Variants in SGF29 observed in about 807,000 individuals in gnomAD.
The protein encoded by SGF29 is SAGA complex associated factor 29.
SGF29 carries 15 observed loss-of-function variants against 38.1 expected under a neutral mutation model. The ratio of observed to expected loss-of-function variants is 0.39; its 90% CI spans 0.26 to 0.61. The LOEUF is 0.61. Ranked by LOEUF, SGF29 falls within the 20% of genes least tolerant of loss-of-function variation. The probability of loss-of-function intolerance (pLI) is 0.49; values close to 1 mark genes in which losing one functional copy is unlikely to be tolerated. For synonymous variants in SGF29, 151 were observed against 160.8 expected (o/e 0.94, Z 0.46); for missense variants, 184 against 394.6 (o/e 0.47, Z 4.52).
In SGF29 at chr16:28,581,048, C is replaced by T. The variant is rs752423817; in HGVS notation, c.-15-7C>T. 2.4e-5 allele frequency: 39 copies of T among 1,609,936 alleles called. No individual in the cohort carries two copies. Among genetic ancestry groups the T allele is most frequent in the Non-Finnish European group, 1.2e-5 (14 of 1,176,944 alleles). Reference sequence around the variant, plus strand: ...AGAGTTCTCTTCTGTCCTCGCTCCCCCACCAGGTGCCCCTGTAGACAATGG... The same window carrying T: ...AGAGTTCTCTTCTGTCCTCGCTCCCTCACCAGGTGCCCCTGTAGACAATGG... On this transcript the variant is annotated splice_region_variant and splice_polypyrimidine_tract_variant and intron_variant, in intron 1 of 9. Coordinates refer to ENST00000317058, the MANE Select transcript of SGF29 (RefSeq NM_138414.3).
intron 1 of SGF29, among the ~76,000 whole-genome samples, chr16:28,572,324 C>T (rs761671844): frequency 6.7e-6 from 1 of 150,056 alleles, no homozygotes; most frequent in Non-Finnish European, 1.5e-5. Flanking sequence ...GGCTGGAGTG[C>T]AGTGGCACGA....
intron 3 of SGF29, 56 bp downstream of exon 3, chr16:28,585,044 G>A: frequency 7.4e-7 from 1 of 1,350,582 alleles, no homozygotes; most frequent in Non-Finnish European, 1.1e-6. Context: ...GGTGAGTATG[G>A]CCAAGACTGT....
chr16:28,589,067 C>A, intron 4 of SGF29, 33 bp from the exon 5 acceptor site: 1 of 1,612,982 alleles, frequency 6.2e-7, no homozygotes, highest in African/African-American at 1.3e-5. Flanking sequence ...GTACGTTAAC[C>A]AAACCCTCTT....
chr16:28,564,807 A>C lies in SGF29; in HGVS notation c.-16+10710A>C, dbSNP rs551440147. ...TATATACACACACACACACACACACAAACACACACACACACATATATATGA... is the reference window on the plus strand; with the variant it reads ...TATATACACACACACACACACACACCAACACACACACACACATATATATGA... On this transcript the variant is annotated intron_variant, in intron 1 of 9. Coordinates refer to ENST00000317058, the MANE Select transcript of SGF29 (RefSeq NM_138414.3). Among the ~76,000 whole-genome samples, 7 of 141,264 alleles carry C rather than the reference A, an allele frequency of 5.0e-5. No homozygotes were observed. The East Asian group carries it at 1.4e-3, about 28-fold the overall frequency. The allele number at this position is 141,264 out of a possible 152,430, so 92.7% of individuals were successfully genotyped here.
intron 1 of SGF29, among the ~76,000 whole-genome samples, chr16:28,555,898 G>C (rs1316271029): frequency 2.0e-5 from 3 of 152,144 alleles, no homozygotes; most frequent in Admixed American, 2.0e-4. Context: ...TGCTGAAGTC[G>C]TGACACAACT....
At chr16:28,582,683 C>T (rs2046933103) in intron 2 of SGF29, among the ~76,000 whole-genome samples, 1 of 152,148 alleles carries the variant, frequency 6.6e-6, no homozygotes, top group Non-Finnish European at 1.5e-5. Context: ...GTAACTCATG[C>T]CTGTAATCCC....
intron 1 of SGF29, among the ~76,000 whole-genome samples, chr16:28,569,039 G>T (rs1203219220): frequency 1.3e-5 from 2 of 151,872 alleles, no homozygotes; most frequent in Non-Finnish European, 2.9e-5. Flanking sequence ...AGTGAGCCGA[G>T]ATCACACCAT....
Position 28,579,281 on chromosome 16 carries a change from C to T in SGF29, c.-15-1774C>T, listed in dbSNP as rs529416056. Among the ~76,000 whole-genome samples the T allele has an allele frequency of 1.1e-4, 14 of 125,920 alleles. No homozygotes were observed. In the South Asian group the frequency reaches 1.3e-3, roughly 12 times the overall value. 82.6% of individuals were successfully genotyped at this position (125,920 alleles called of 152,430 possible). A position where few individuals can be genotyped will look rare whatever the true frequency, so the allele number is the denominator to read the frequency against. On this transcript the variant is annotated intron_variant, in intron 1 of 9. Coordinates refer to ENST00000317058, the MANE Select transcript of SGF29 (RefSeq NM_138414.3). ...TCTTTTTTTTTTTTTTTTTTTGAGA[C>T]GGAGTCTCACTCTGTCGCCAGGCTG...
intron 1 of SGF29, among the ~76,000 whole-genome samples, chr16:28,567,240 A>C (rs770144870): frequency 2.0e-4 from 31 of 152,284 alleles, no homozygotes; most frequent in Middle Eastern, 3.4e-3. Context: ...CCAGTGAGTG[A>C]GTATCTTAGT....
chr16:28,570,047 C>A (rs927011149), intron 1 of SGF29, among the ~76,000 whole-genome samples: 7 of 152,200 alleles, frequency 4.6e-5, no homozygotes, highest in African/African-American at 1.7e-4. Flanking sequence ...AAGGCCCCTG[C>A]AGAAAGTCCC....
chr16:28,564,697 G>GTA (rs1186054140), intron 1 of SGF29, among the ~76,000 whole-genome samples: 14,141 of 74,282 alleles, frequency 0.19, 2,629 homozygotes, highest in Non-Finnish European at 0.28. Flanking sequence ...GTATATATAT[G>GTA]TATATATATA....
At chr16:28,561,105 C>T (rs879796833) in intron 1 of SGF29, among the ~76,000 whole-genome samples, 13 of 152,046 alleles carry the variant, frequency 8.6e-5, no homozygotes, top group South Asian at 4.1e-4. Context: ...ATTAAAACTT[C>T]GTCAGGCCAG....
At chr16:28,567,867 T>C (rs773600225) in intron 1 of SGF29, among the ~76,000 whole-genome samples, 45 of 152,310 alleles carry the variant, frequency 3.0e-4, no homozygotes, top group Middle Eastern at 6.8e-3. Context: ...GGAACAAGCC[T>C]AGGCAAAATT....
intron 1 of SGF29, among the ~76,000 whole-genome samples, chr16:28,563,131 TAG>T (rs929187655): frequency 2.2e-4 from 34 of 151,992 alleles, no homozygotes; most frequent in Non-Finnish European, 3.5e-4. Context: ...TCACCTTAAT[TAG>T]GGGAAAAAGG....
At chr16:28,573,509 T>G (rs1306214618) in intron 1 of SGF29, among the ~76,000 whole-genome samples, 1 of 151,854 alleles carries the variant, frequency 6.6e-6, no homozygotes, top group East Asian at 1.9e-4. Context: ...AGGGAAGAAG[T>G]TTTGCCGTGA....
At chr16:28,568,643 A>T (rs916644418) in intron 1 of SGF29, among the ~76,000 whole-genome samples, 1 of 151,866 alleles carries the variant, frequency 6.6e-6, no homozygotes, top group Non-Finnish European at 1.5e-5. Flanking sequence ...GGCCAGGAGC[A>T]GTGGCTCACG....
At chr16:28,557,965 GTTTTTTTT>G (rs753237384) in intron 1 of SGF29, among the ~76,000 whole-genome samples, 22 of 65,622 alleles carry the variant, frequency 3.4e-4, no homozygotes, top group East Asian at 2.3e-3. Context: ...TTCTTTCTCT[GTTTTTTTT>G]TTTTTTTTTT....
chr16:28,572,441 G>C (rs771119369), intron 1 of SGF29, among the ~76,000 whole-genome samples: 20 of 151,924 alleles, frequency 1.3e-4, no homozygotes, highest in Non-Finnish European at 2.6e-4. Flanking sequence ...GCTAACTTTT[G>C]TATTTTCAGT....
At chr16:28,562,614 GT>G in intron 1 of SGF29, among the ~76,000 whole-genome samples, 1 of 152,060 alleles carries the variant, frequency 6.6e-6, no homozygotes, top group East Asian at 1.9e-4. Flanking sequence ...CATTAAGACA[GT>G]TCTTGGCCGC....
Sources: allele counts gnomAD v4.1 joint callset (sites outside exome capture counted in the v4.1 genomes callset), GRCh38; gene constraint gnomAD v4.1.1; transcripts MANE v1.5; gene names NCBI Gene and HGNC (gene_info 2026-07-23, HGNC 2026-07-21).